The following R3HDM4 variants were observed in gnomAD, a reference collection of about 807,000 sequenced individuals.
R3HDM4 encodes the protein R3H domain-containing protein 4.
R3HDM4 carries 30 observed loss-of-function variants against 31.3 expected under a neutral mutation model. That is an observed-to-expected ratio of 0.96 (90% CI 0.72 to 1.30). R3HDM4 has a LOEUF of 1.30. Ranked by LOEUF, R3HDM4 falls within the 50% of genes most tolerant of loss-of-function variation. R3HDM4 has a pLI of 0.00. For synonymous variants in R3HDM4, 196 were observed against 156.6 expected, an observed-to-expected ratio of 1.25 and a Z score of -1.88; for missense variants, 444 against 366.1, an observed-to-expected ratio of 1.21 and a Z score of -1.74.
At chr19:910,015 G>A (rs568887882) in intron 1 of R3HDM4, among the ~76,000 whole-genome samples, 3 of 151,652 alleles carry the variant, frequency 2.0e-5, no homozygotes, top group South Asian at 2.1e-4. Context: ...TAAGACCCTC[G>A]TCTCTACAAC....
At position 902,042 on chromosome 19, in the gene R3HDM4, C is replaced by T; in HGVS notation, c.160G>A (p.Ala54Thr). The change falls in exon 2 of 8, where the codon GCA becomes ACA. Residue 54 changes from alanine to threonine, a missense_variant. Transcript: ENST00000361574. ...SRRKQHFINQ[A>T]VRNSDLVPKA... ...GGCACGAGGTCTGAGTTCCGCACTG[C>T]CTGGTTGATGAAGTGCTGTTTCCGC... 1 of 1,613,946 alleles carries T rather than the reference C, an allele frequency of 6.2e-7. No individual in the cohort carries two copies. Among genetic ancestry groups the T allele is most frequent in the Non-Finnish European group, 8.5e-7 (1 of 1,180,018 alleles).
intron 1 of R3HDM4, among the ~76,000 whole-genome samples, chr19:910,625 C>CA (rs916798100): frequency 3.1e-4 from 46 of 149,972 alleles, no homozygotes; most frequent in Non-Finnish European, 5.3e-4. Flanking sequence ...AAAACAAAAA[C>CA]AAAAAAAAAG....
In R3HDM4 at chr19:901,506, C is replaced by A. The variant is rs144635014; in HGVS notation, c.267G>T (p.Leu89=). Residue 89 remains leucine, a synonymous_variant, in exon 3 of 8, where the codon CTG becomes CTT. Transcript: ENST00000361574. The stretch of plus-strand genomic sequence containing the variant: ...CCAAGTCCCCATCCTCCAGGCCAGG[C>A]AGGCCCCCGTCTGTCTCCAGCAGGG... ...LLTLLETDGG[L]PGLEDGDLAP... 1.9e-6 allele frequency: 3 copies of A among 1,608,730 alleles called. No individual in the cohort carries two copies. The highest frequency in any genetic ancestry group is 1.7e-6 in the Non-Finnish European group (2 of 1,179,792).
At chr19:902,177 A>G (rs754567086) in intron 1 of R3HDM4, 47 bp from the exon 2 acceptor site, 2 of 1,602,110 alleles carry the variant, frequency 1.2e-6, no homozygotes, top group Admixed American at 3.3e-5. Context: ...GCCGGCCAGG[A>G]TCTCCGAGAA....
At chr19:908,454 A>G (rs2036932603) in intron 1 of R3HDM4, among the ~76,000 whole-genome samples, 1 of 151,474 alleles carries the variant, frequency 6.6e-6, no homozygotes, top group Non-Finnish European at 1.5e-5. Flanking sequence ...CTAAAAATAC[A>G]AAAAAATTAT....
intron 1 of R3HDM4, among the ~76,000 whole-genome samples, chr19:904,841 C>T (rs968914979): frequency 1.3e-5 from 2 of 152,112 alleles, no homozygotes; most frequent in Non-Finnish European, 2.9e-5. Context: ...AGGGTCCACA[C>T]ACATGTAAAG....
rs2036739998 is a variant in R3HDM4 at position 896,524 on chromosome 19, T to A, written c.*913A>T. 6.6e-6 allele frequency: 1 copy of A among 152,552 alleles called. No homozygotes were observed. The highest frequency in any genetic ancestry group is 2.1e-4 in the South Asian group (1 of 4,834). 9.4% of individuals were successfully genotyped at this position (152,552 alleles called of 1,614,324 possible). On this transcript the variant is annotated 3_prime_UTR_variant, in exon 8 of 8. Coordinates refer to ENST00000361574, the MANE Select transcript of R3HDM4 (RefSeq NM_138774.4). This position sits in a 1 kb window ranked among gnomAD's most constrained non-coding sequence, Gnocchi z 4.0. Reference sequence around the variant, plus strand: ...CGAGGCCAGAGCACCAGAAATTTATTAAATTCCCCACTTTCCCCCAAAACA... The same window carrying A: ...CGAGGCCAGAGCACCAGAAATTTATAAAATTCCCCACTTTCCCCCAAAACA...
chr19:908,219 C>CA (rs879340892), intron 1 of R3HDM4, among the ~76,000 whole-genome samples: 1 of 151,498 alleles, frequency 6.6e-6, no homozygotes, highest in African/African-American at 2.4e-5. Context: ...AAAACAAAAA[C>CA]AAAAAAACAT....
At position 900,868 on chromosome 19, in the gene R3HDM4, G is replaced by A. The variant is rs746529996; in HGVS notation, c.436C>T (p.Arg146Trp). The A allele has an allele frequency of 2.1e-5, 32 of 1,504,222 alleles. No homozygotes were observed. Among genetic ancestry groups the A allele is most frequent in the Middle Eastern group, 4.3e-4 (2 of 4,692 alleles). The allele number at this position is 1,504,222 out of a possible 1,614,324, so 93.2% of individuals were successfully genotyped here. Reference sequence around the variant, plus strand: ...TCCCCACGGCCAGGGCCCCTCCTCCGCGCCTTGCTCCTGCCCTCATCCTCC... The same window carrying A: ...TCCCCACGGCCAGGGCCCCTCCTCCACGCCTTGCTCCTGCCCTCATCCTCC... Reference protein sequence around the residue: ...YLEDEGRSKARRRGPGRGEDR... With the variant: ...YLEDEGRSKAWRRGPGRGEDR... The change falls in exon 4 of 8, where the codon CGG becomes TGG. Residue 146 changes from arginine (R) to tryptophan (W), a missense_variant. Transcript: ENST00000361574.
In R3HDM4 at chr19:907,806, T is replaced by G. The variant is rs1419064930; in HGVS notation, c.71+5281A>C. 6.6e-6 allele frequency among the ~76,000 whole-genome samples: 1 copy of G among 152,144 alleles called. No individual in the cohort carries two copies. Among genetic ancestry groups the G allele is most frequent in the Admixed American group, 6.6e-5 (1 of 15,262 alleles). ...GGGCTTTCGCCTGTTTTGTTTGGTA[T>G]CTGAGGGCTCGCCACCCTCCCCTGG... On this transcript the variant is annotated intron_variant, in intron 1 of 7. Transcript: ENST00000361574. The surrounding 1 kb of genome is among the most constrained non-coding windows in gnomAD (Gnocchi z 4.1).
intron 1 of R3HDM4, chr19:902,545 G>C: frequency 5.8e-6 from 1 of 171,722 alleles, no homozygotes; most frequent in South Asian, 1.2e-4. Context: ...TCAGGGGCCT[G>C]AGGCAGGAGG....
chr19:897,310 A>G lies in R3HDM4; in HGVS notation c.*127T>C, dbSNP rs1005208171. 2 of 699,382 alleles carry G rather than the reference A, an allele frequency of 2.9e-6. No individual in the cohort carries two copies. The highest frequency in any genetic ancestry group is 3.1e-5 in the Admixed American group (1 of 32,768). The allele number at this position is 699,382 out of a possible 1,614,324, so 43.3% of individuals were successfully genotyped here. A position where few individuals can be genotyped will look rare whatever the true frequency, so the allele number is the denominator to read the frequency against. On this transcript the variant is annotated 3_prime_UTR_variant, in exon 8 of 8. Coordinates refer to ENST00000361574, the MANE Select transcript of R3HDM4 (RefSeq NM_138774.4). ...CTGCGTGAGGAGGGGGCAGAGTGAG[A>G]GAGACCACCCCAAGCGAAAAAGGTT...
In R3HDM4 at chr19:897,324, G is replaced by A; in HGVS notation, c.*113C>T. On this transcript the variant is annotated 3_prime_UTR_variant, in exon 8 of 8. Coordinates refer to ENST00000361574, the MANE Select transcript of R3HDM4 (RefSeq NM_138774.4). ...GGCAGAGTGAGAGAGACCACCCCAAGCGAAAAAGGTTTCCGAGGACAAATT... is the reference window on the plus strand; with the variant it reads ...GGCAGAGTGAGAGAGACCACCCCAAACGAAAAAGGTTTCCGAGGACAAATT... 2.5e-6 allele frequency: 2 copies of A among 812,280 alleles called. No homozygotes were observed. Among genetic ancestry groups the A allele is most frequent in the Non-Finnish European group, 3.8e-6 (2 of 523,072 alleles). 50.3% of individuals were successfully genotyped at this position (812,280 alleles called of 1,614,324 possible). A position where few individuals can be genotyped will look rare whatever the true frequency, so the allele number is the denominator to read the frequency against.
intron 1 of R3HDM4, among the ~76,000 whole-genome samples, chr19:908,861 C>T (rs1350076099): frequency 6.6e-6 from 1 of 152,152 alleles, no homozygotes; most frequent in Non-Finnish European, 1.5e-5. Context: ...CACTAGCTCA[C>T]TAGGCCCACA....
intron 2 of R3HDM4, 187 bp downstream of exon 2, chr19:901,789 C>T: frequency 2.2e-6 from 1 of 456,430 alleles, no homozygotes; most frequent in Non-Finnish European, 4.0e-6. Context: ...CAGCCCTGAT[C>T]CAAGAGTCCA....
chr19:903,248 C>G (rs533002785), intron 1 of R3HDM4, among the ~76,000 whole-genome samples: 1 of 152,006 alleles, frequency 6.6e-6, no homozygotes, highest in South Asian at 2.1e-4. Context: ...CAAACCCCCC[C>G]CTTAATGTCC....
rs2037000374 is a variant in R3HDM4, at chr19:913,010, G to GAGGGC, written c.71+76_71+77insGCCCT. 2.1e-6 allele frequency: 1 copy of GAGGGC among 476,092 alleles called. No homozygotes were observed. Among genetic ancestry groups the GAGGGC allele is most frequent in the South Asian group, 8.2e-5 (1 of 12,176 alleles). The allele number at this position is 476,092 out of a possible 1,614,324, so 29.5% of individuals were successfully genotyped here. Reference sequence around the variant, plus strand: ...GGAGGGAAGGGAAAGGAGGGGAGGGGAGGCGGGGAGAGGATCTCAGGGGAG... The same window carrying GAGGGC: ...GGAGGGAAGGGAAAGGAGGGGAGGGGAGGGCAGGCGGGGAGAGGATCTCAGGGGAG... On this transcript the variant is annotated intron_variant, in intron 1 of 7. Transcript: ENST00000361574. This position sits in a 1 kb window ranked among gnomAD's most constrained non-coding sequence, Gnocchi z 5.0.
rs551876745 is a variant in R3HDM4 at position 897,384 on chromosome 19, C to G, written c.*53G>C. ...TGAAAGATATTTTAGCCGAAGGTAT[C>G]GGAGGGCTTGATGGCTGGGCGAGGT... is the stretch of plus-strand genomic sequence containing the variant. On this transcript the variant is annotated 3_prime_UTR_variant, in exon 8 of 8. Coordinates refer to ENST00000361574, the MANE Select transcript of R3HDM4 (RefSeq NM_138774.4). The G allele has an allele frequency of 7.5e-7, 1 of 1,333,836 alleles. No individual in the cohort carries two copies. Among genetic ancestry groups the G allele is most frequent in the Non-Finnish European group, 1.0e-6 (1 of 965,264 alleles). The allele number at this position is 1,333,836 out of a possible 1,614,324, so 82.6% of individuals were successfully genotyped here.
chr19:901,013 G>C (rs992969548), intron 3 of R3HDM4, 61 bp from the exon 4 acceptor site: 2 of 1,498,240 alleles, frequency 1.3e-6, no homozygotes, highest in Non-Finnish European at 8.9e-7. Context: ...TGACATCCCC[G>C]GGCAAATGGG....
Sources: allele counts gnomAD v4.1 joint callset (sites outside exome capture counted in the v4.1 genomes callset), GRCh38; gene constraint gnomAD v4.1.1; non-coding constraint Gnocchi (gnomAD v3.1); transcripts MANE v1.5; gene names NCBI Gene and HGNC (gene_info 2026-07-23, HGNC 2026-07-21).